The following FAM171A2 variants were observed in gnomAD, a reference collection of about 807,000 sequenced individuals.
FAM171A2 encodes the protein protein FAM171A2.
A neutral mutation model predicts 34.2 loss-of-function variants in FAM171A2; 13 were observed. The ratio of observed to expected loss-of-function variants is 0.38; its 90% CI spans 0.25 to 0.60. The LOEUF is 0.60. Ranked by LOEUF, FAM171A2 falls within the 20% of genes least tolerant of loss-of-function variation. The pLI, the probability that FAM171A2 is intolerant of heterozygous loss-of-function variation, is 0.62. For synonymous variants in FAM171A2, 475 were observed against 561.2 expected (o/e 0.85, Z 2.17); for missense variants, 950 against 1,180.7 (o/e 0.80, Z 2.86).
chr17:44,356,644 C>G, intron 3 of FAM171A2, 56 bp from the exon 4 acceptor site: 1 of 1,479,316 alleles, frequency 6.8e-7, no homozygotes, highest in Non-Finnish European at 9.0e-7. Context: ...CCCCAGGGAC[C>G]AGAGCAGAAA....
At chr17:44,362,161 C>T (rs569351119) in intron 1 of FAM171A2, among the ~76,000 whole-genome samples, 2 of 152,070 alleles carry the variant, frequency 1.3e-5, no homozygotes, top group Non-Finnish European at 2.9e-5. Flanking sequence ...AACCTGGGCT[C>T]CCCGCCAGCT....
Position 44,363,704 on chromosome 17 carries a change from G to A in FAM171A2, c.11C>T (p.Ala4Val), listed in dbSNP as rs1404887074. The change falls in exon 1 of 8, where the codon GCG (alanine) becomes GTG (valine). Residue 4 changes from alanine to valine, a missense_variant. Physicochemically the swap from Ala to Val is moderately conservative, Grantham distance 64 (BLOSUM62 0). Coordinates refer to ENST00000293443, the MANE Select transcript of FAM171A2 (RefSeq NM_198475.3). ...CCGCGCGAGGACGCTGGGGCCACTCGCCGGCGGCATCGCGGGGCTAGGCCG... is the reference window on the plus strand; with the variant it reads ...CCGCGCGAGGACGCTGGGGCCACTCACCGGCGGCATCGCGGGGCTAGGCCG... The part of the protein sequence containing the change: MPP[A>V]SGPSVLARLL... The A allele has an allele frequency of 8.2e-7, 1 of 1,215,598 alleles. No homozygotes were observed. Among genetic ancestry groups the A allele is most frequent in the Non-Finnish European group, 1.0e-6 (1 of 977,212 alleles). The allele number at this position is 1,215,598 out of a possible 1,614,324, so 75.3% of individuals were successfully genotyped here.
rs1255161713 is a variant in FAM171A2 at position 44,354,562 on chromosome 17, C to T, written c.1652G>A (p.Gly551Asp). ...VIPAHYVRLG[G>D]EAGAAGVGDE... Reference sequence around the variant, plus strand: ...GCCCACGCCGGCGGCGCCCGCCTCGCCGCCGAGGCGCACGTAGTGCGCGGG... The same window carrying T: ...GCCCACGCCGGCGGCGCCCGCCTCGTCGCCGAGGCGCACGTAGTGCGCGGG... Residue 551 changes from glycine to aspartate, a missense_variant, in exon 8 of 8, where the codon GGC becomes GAC. Gly to Asp is a moderately conservative substitution (Grantham distance 94, BLOSUM62 -1). Transcript: ENST00000293443. The surrounding 1 kb of genome is among the most constrained non-coding windows in gnomAD (Gnocchi z 5.8). The T allele has an allele frequency of 1.3e-5, 16 of 1,208,420 alleles. No homozygotes were observed. Among genetic ancestry groups the T allele is most frequent in the Admixed American group, 8.8e-5 (2 of 22,788 alleles). The allele number at this position is 1,208,420 out of a possible 1,614,324, so 74.9% of individuals were successfully genotyped here.
Sources: allele counts gnomAD v4.1 joint callset (sites outside exome capture counted in the v4.1 genomes callset), GRCh38; gene constraint gnomAD v4.1.1; non-coding constraint Gnocchi (gnomAD v3.1); transcripts MANE v1.5; gene names NCBI Gene and HGNC (gene_info 2026-07-23, HGNC 2026-07-21).